Variants in CSMD1 observed in about 807,000 individuals in gnomAD.
The protein encoded by CSMD1 is CUB and sushi domain-containing protein 1.
A neutral mutation model predicts 417.5 loss-of-function variants in CSMD1; 213 were observed. That is an observed-to-expected ratio of 0.51 (90% CI 0.46 to 0.57). CSMD1 has a LOEUF of 0.57. Ranked by LOEUF, CSMD1 falls within the 20% of genes least tolerant of loss-of-function variation. CSMD1 has a pLI of 0.00. For synonymous variants in CSMD1, 2,862 were observed against 1,736.8 expected, an observed-to-expected ratio of 1.65 and a Z score of -16.11; for missense variants, 6,923 against 4,529.7, an observed-to-expected ratio of 1.53 and a Z score of -15.17.
chr8:4,605,352 T>A (rs941588706), intron 2 of CSMD1, among the ~76,000 whole-genome samples: 2 of 152,188 alleles, frequency 1.3e-5, no homozygotes, highest in African/African-American at 4.8e-5. Flanking sequence ...GAATTATCTA[T>A]GAGCAAAGAG....
At chr8:3,432,529 G>C (rs1478848264) in intron 12 of CSMD1, among the ~76,000 whole-genome samples, 2 of 20,426 alleles carry the variant, frequency 9.8e-5, no homozygotes, top group Non-Finnish European at 1.9e-4. Context: ...TTTTTTTTTT[G>C]AGATGGAGTC....
intron 11 of CSMD1, 101 bp from the exon 12 acceptor site, chr8:3,468,925 A>G (rs1326636725): frequency 7.5e-6 from 5 of 670,296 alleles, no homozygotes; most frequent in Non-Finnish European, 1.3e-5. Flanking sequence ...CAAACCCTAG[A>G]TATATAGGTA....
chr8:4,307,434 C>G (rs142696139), intron 3 of CSMD1, among the ~76,000 whole-genome samples: 3 of 152,122 alleles, frequency 2.0e-5, no homozygotes, highest in African/African-American at 7.2e-5. Flanking sequence ...AGTTGAGATG[C>G]TATCATCAAC....
intron 16 of CSMD1, among the ~76,000 whole-genome samples, chr8:3,397,217 C>T (rs960192642): frequency 6.6e-6 from 1 of 152,114 alleles, no homozygotes; most frequent in Non-Finnish European, 1.5e-5. Flanking sequence ...GCAGCTTAAG[C>T]GTCATAAGAC....
intron 5 of CSMD1, among the ~76,000 whole-genome samples, chr8:3,859,064 G>T (rs1181946852): frequency 6.6e-6 from 1 of 152,120 alleles, no homozygotes; most frequent in Non-Finnish European, 1.5e-5. Context: ...TTATTCATGT[G>T]TTATGTGATA....
intron 3 of CSMD1, among the ~76,000 whole-genome samples, chr8:4,181,924 A>G (rs550420482): frequency 1.3e-5 from 2 of 148,672 alleles, no homozygotes; most frequent in South Asian, 2.2e-4. Flanking sequence ...AGTACTTAGT[A>G]CTTTGCTAGG....
chr8:3,071,674 C>G (rs1347909434), intron 49 of CSMD1, among the ~76,000 whole-genome samples: 1 of 152,164 alleles, frequency 6.6e-6, no homozygotes, highest in Non-Finnish European at 1.5e-5. Context: ...ATGCATAAGG[C>G]TTTTTGGAAA....
intron 1 of CSMD1, among the ~76,000 whole-genome samples, chr8:4,953,705 G>C (rs1235052879): frequency 6.6e-6 from 1 of 152,140 alleles, no homozygotes; most frequent in African/African-American, 2.4e-5. Context: ...ATTTTTACAT[G>C]TTGCTAAATT....
At chr8:4,455,192 C>T (rs2129876689) in intron 2 of CSMD1, among the ~76,000 whole-genome samples, 1 of 149,452 alleles carries the variant, frequency 6.7e-6, no homozygotes, top group South Asian at 2.2e-4. Flanking sequence ...GCAACAAAAG[C>T]TATGACTCTC....
intron 10 of CSMD1, among the ~76,000 whole-genome samples, chr8:3,539,324 A>G (rs1798341854): frequency 6.6e-6 from 1 of 152,066 alleles, no homozygotes. Flanking sequence ...AGCCAATCCC[A>G]GCTCTTTCTC....
intron 25 of CSMD1, among the ~76,000 whole-genome samples, chr8:3,305,908 C>G (rs1194326611): frequency 2.0e-5 from 3 of 152,112 alleles, no homozygotes; most frequent in African/African-American, 7.2e-5. Context: ...TCTTGATCTC[C>G]TCACCTGGTG....
At chr8:4,019,959 G>A (rs904788367) in intron 4 of CSMD1, among the ~76,000 whole-genome samples, 1 of 147,886 alleles carries the variant, frequency 6.8e-6, no homozygotes, top group African/African-American at 2.5e-5. Flanking sequence ...TACCAATATT[G>A]AGATCCTGTA....
At chr8:4,928,163 T>C (rs148938770) in intron 1 of CSMD1, among the ~76,000 whole-genome samples, 86 of 152,208 alleles carry the variant, frequency 5.7e-4, no homozygotes, top group African/African-American at 2.0e-3. Context: ...ACATAGACTT[T>C]CCCGTTGCCA....
chr8:4,271,728 T>TTATACATATAAGTATAA (rs1563367516), intron 3 of CSMD1, among the ~76,000 whole-genome samples: 1 of 152,186 alleles, frequency 6.6e-6, no homozygotes, highest in Admixed American at 6.6e-5. Context: ...ATCCCAGGCC[T>TTATACATATAAGTATAA]GTATATGATT....
At chr8:4,135,408 AAG>A (rs1803368968) in intron 3 of CSMD1, among the ~76,000 whole-genome samples, 2 of 130,542 alleles carry the variant, frequency 1.5e-5, no homozygotes, top group Admixed American at 1.6e-4. Context: ...GAAAGAGGGA[AAG>A]AGGGGGAAGG....
chr8:4,525,229 T>C (rs73180952), intron 2 of CSMD1, among the ~76,000 whole-genome samples: 1,819 of 152,220 alleles, frequency 0.012, 19 homozygotes, highest in Non-Finnish European at 0.02. Flanking sequence ...AGTGGTCCTT[T>C]AGAGAAAAGC....
chr8:4,228,797 C>T (rs564598781), intron 3 of CSMD1, among the ~76,000 whole-genome samples: 3 of 152,050 alleles, frequency 2.0e-5, no homozygotes, highest in Non-Finnish European at 4.4e-5. Flanking sequence ...GATTCTCCTG[C>T]TTCTGCATCC....
At chr8:3,558,137 TCC>T in intron 10 of CSMD1, among the ~76,000 whole-genome samples, 1 of 150,130 alleles carries the variant, frequency 6.7e-6, no homozygotes, top group Admixed American at 6.6e-5. Context: ...CCGTGTCCAC[TCC>T]TCCAATGATG....
At chr8:3,904,528 G>C (rs776010797) in intron 5 of CSMD1, among the ~76,000 whole-genome samples, 2 of 152,088 alleles carry the variant, frequency 1.3e-5, no homozygotes, top group Non-Finnish European at 2.9e-5. Flanking sequence ...GAAACTGACA[G>C]GTGATACCAA....
Sources: allele counts gnomAD v4.1 joint callset (sites outside exome capture counted in the v4.1 genomes callset), GRCh38; gene constraint gnomAD v4.1.1; transcripts MANE v1.5; gene names NCBI Gene and HGNC (gene_info 2026-07-23, HGNC 2026-07-21).